SCN8A: variants seen among roughly 807,000 people sequenced by gnomAD.
SCN8A encodes the protein sodium channel protein type 8 subunit alpha.
Under a neutral mutation model 184.1 loss-of-function variants are expected in SCN8A, and 30 were observed. The observed-to-expected ratio is 0.16, with a 90% CI of 0.12 to 0.22. SCN8A has a LOEUF of 0.22. Ranked by LOEUF, SCN8A falls within the 10% of genes least tolerant of loss-of-function variation. SCN8A has a pLI of 1.00. For synonymous variants in SCN8A, 852 were observed against 907.0 expected (o/e 0.94, Z 1.09); for missense variants, 1,057 against 2,498.9 (o/e 0.42, Z 12.30).
intron 1 of SCN8A, 40 bp from the exon 2 acceptor site, chr12:51,662,724 A>C: frequency 8.0e-7 from 1 of 1,245,636 alleles, no homozygotes; most frequent in Non-Finnish European, 1.1e-6. Flanking sequence ...TTTTTAGAGC[A>C]GTGATTGATT....
At position 51,721,756 on chromosome 12, in the gene SCN8A, G is replaced by A. The variant is rs1049676859; in HGVS notation, c.1846G>A (p.Gly616Ser). 2 of 1,608,106 alleles carry A rather than the reference G, an allele frequency of 1.2e-6. No homozygotes were observed. Among genetic ancestry groups the A allele is most frequent in the Non-Finnish European group, 1.7e-6 (2 of 1,177,844 alleles). The change falls in exon 12 of 27, where the codon GGC becomes AGC. Residue 616 changes from glycine to serine, a missense_variant. This residue lies in a region of SCN8A where 322 missense variants were observed against 390.1 expected (regional missense o/e 0.83). Transcript: ENST00000627620. Reference protein sequence around the residue: ...RARERRSSYSGYSGYSQGSRS... With the variant: ...RARERRSSYSSYSGYSQGSRS... The stretch of plus-strand genomic sequence containing the variant: ...CCGCGAGCGCCGGAGCAGCTACAGC[G>A]GCTACAGCGGCTACAGCCAGGGCAG...
intron 14 of SCN8A, among the ~76,000 whole-genome samples, chr12:51,761,749 G>C (rs1942765518): frequency 6.6e-6 from 1 of 152,032 alleles, no homozygotes; most frequent in African/African-American, 2.4e-5. Flanking sequence ...TCGACCACCA[G>C]AAGTTTTGGG....
At chr12:51,612,155 GT>G (rs544912459) in intron 1 of SCN8A, among the ~76,000 whole-genome samples, 2 of 151,674 alleles carry the variant, frequency 1.3e-5, no homozygotes, top group African/African-American at 4.8e-5. Flanking sequence ...TTCCCTGCTT[GT>G]TTTTTTTGTT....
chr12:51,614,161 A>G (rs995950749), intron 1 of SCN8A, among the ~76,000 whole-genome samples: 1 of 151,860 alleles, frequency 6.6e-6, no homozygotes, highest in Non-Finnish European at 1.5e-5. Flanking sequence ...ATACTTGTGG[A>G]TTTGTCCATT....
At chr12:51,791,604 A>G (rs1404157014) in intron 25 of SCN8A, among the ~76,000 whole-genome samples, 1 of 152,238 alleles carries the variant, frequency 6.6e-6, no homozygotes, top group East Asian at 1.9e-4. Flanking sequence ...AAGGGTTAAC[A>G]TTTCTAAAGT....
At chr12:51,595,839 A>T (rs1208242480) in intron 1 of SCN8A, among the ~76,000 whole-genome samples, 1 of 152,206 alleles carries the variant, frequency 6.6e-6, no homozygotes, top group Non-Finnish European at 1.5e-5. Flanking sequence ...CTTTATCTTC[A>T]GTCTGGCATA....
At chr12:51,667,429 T>G (rs1941053471) in intron 2 of SCN8A, among the ~76,000 whole-genome samples, 1 of 152,104 alleles carries the variant, frequency 6.6e-6, no homozygotes. Flanking sequence ...GATGCAATCA[T>G]AGGTCACTGC....
intron 11 of SCN8A, among the ~76,000 whole-genome samples, chr12:51,711,936 T>C (rs1941884631): frequency 1.3e-5 from 2 of 152,220 alleles, no homozygotes; most frequent in Non-Finnish European, 2.9e-5. Context: ...GGTGTTTCTT[T>C]ACAGTTAACT....
At chr12:51,710,667 C>A (rs1435584579) in intron 11 of SCN8A, among the ~76,000 whole-genome samples, 1 of 152,044 alleles carries the variant, frequency 6.6e-6, no homozygotes, top group Non-Finnish European at 1.5e-5. Flanking sequence ...TCCAAAAAAA[C>A]AAGAACAAAA....
chr12:51,809,680 T>TTA lies in SCN8A; in HGVS notation c.*2252_*2253insAT, dbSNP rs986037666. ...GAAGCTGACATGTGTGGTTATTCTTTTTAAGAGAATTATAAATACTGTAAT... is the reference window on the plus strand; with the variant it reads ...GAAGCTGACATGTGTGGTTATTCTTTTATTAAGAGAATTATAAATACTGTAAT... On this transcript the variant is annotated 3_prime_UTR_variant, in exon 27 of 27. Coordinates refer to ENST00000627620, the MANE Select transcript of SCN8A (RefSeq NM_001330260.2). 1 of 152,294 alleles carries TTA rather than the reference T, an allele frequency of 6.6e-6. No homozygotes were observed. Among genetic ancestry groups the TTA allele is most frequent in the Non-Finnish European group, 1.5e-5 (1 of 68,052 alleles). The allele number at this position is 152,294 out of a possible 1,614,324, so 9.4% of individuals were successfully genotyped here. A position where few individuals can be genotyped will look rare whatever the true frequency, so the allele number is the denominator to read the frequency against.
intron 14 of SCN8A, among the ~76,000 whole-genome samples, chr12:51,757,861 G>A (rs1464767972): frequency 1.3e-5 from 2 of 152,262 alleles, no homozygotes; most frequent in Non-Finnish European, 2.9e-5. Context: ...ATAGAGAATA[G>A]AGAACCATTG....
rs761065556 is a variant in SCN8A, at chr12:51,810,231, G to A, written c.*2802G>A. ...GCCTCATAGGAAAGAAGCCACCTCCGCTGTATTTGAAGTTTCACTTTTTAA... is the reference window on the plus strand; with the variant it reads ...GCCTCATAGGAAAGAAGCCACCTCCACTGTATTTGAAGTTTCACTTTTTAA... On this transcript the variant is annotated 3_prime_UTR_variant, in exon 27 of 27. Transcript: ENST00000627620. 22 of 241,794 alleles carry A rather than the reference G, an allele frequency of 9.1e-5. No homozygotes were observed. Among genetic ancestry groups the A allele is most frequent in the South Asian group, 3.3e-4 (9 of 27,562 alleles). The allele number at this position is 241,794 out of a possible 1,614,324, so 15.0% of individuals were successfully genotyped here.
At chr12:51,693,796 C>T (rs1274027951) in intron 6 of SCN8A, among the ~76,000 whole-genome samples, 1 of 152,146 alleles carries the variant, frequency 6.6e-6, no homozygotes, top group African/African-American at 2.4e-5. Flanking sequence ...TTGAGAACTG[C>T]TTGTTATTGC....
At chr12:51,628,956 G>C (rs538761362) in intron 1 of SCN8A, among the ~76,000 whole-genome samples, 25 of 152,278 alleles carry the variant, frequency 1.6e-4, no homozygotes, top group African/African-American at 5.8e-4. Context: ...ATAGAAGTGT[G>C]TATAGACAAG....
intron 1 of SCN8A, among the ~76,000 whole-genome samples, chr12:51,594,894 G>C (rs1939311476): frequency 6.6e-6 from 1 of 151,822 alleles, no homozygotes; most frequent in Non-Finnish European, 1.5e-5. Flanking sequence ...TAGTTCACTT[G>C]CTAGTCATTT....
At chr12:51,616,193 G>T (rs1939831938) in intron 1 of SCN8A, among the ~76,000 whole-genome samples, 1 of 151,978 alleles carries the variant, frequency 6.6e-6, no homozygotes, top group African/African-American at 2.4e-5. Flanking sequence ...ATTTCTTTTA[G>T]AGCAGTCTGC....
At chr12:51,712,784 C>T in intron 11 of SCN8A, 2 of 1,181,486 alleles carry the variant, frequency 1.7e-6, no homozygotes, top group South Asian at 2.4e-5. Context: ...GCATAGTTGC[C>T]ACCGTCACTT....
rs528358018 is a variant in SCN8A at position 51,610,788 on chromosome 12, T to C, written c.-55+19429T>C. 1.4e-4 allele frequency among the ~76,000 whole-genome samples: 21 copies of C among 152,338 alleles called. No individual in the cohort carries two copies. The South Asian group carries it at 3.5e-3, about 26-fold the overall frequency. On this transcript the variant is annotated intron_variant, in intron 1 of 26. Coordinates refer to ENST00000627620, the MANE Select transcript of SCN8A (RefSeq NM_001330260.2). Reference sequence around the variant, plus strand: ...GCTGTTAATCTGATAGGTTTTCCTTTATAGGTTACCTGATGCTTCTGTCTC... The same window carrying C: ...GCTGTTAATCTGATAGGTTTTCCTTCATAGGTTACCTGATGCTTCTGTCTC...
intron 2 of SCN8A, among the ~76,000 whole-genome samples, chr12:51,664,854 A>C (rs1291667329): frequency 6.6e-6 from 1 of 152,034 alleles, no homozygotes; most frequent in East Asian, 1.9e-4. Context: ...GCATCTATTA[A>C]CTATTCTTCC....
Sources: gnomAD v4.1 joint callset for allele counts (sites outside exome capture counted in the v4.1 genomes callset) on GRCh38, gnomAD v4.1.1 for gene constraint, gnomAD v4.1.1 regional missense constraint, MANE v1.5 for transcripts, NCBI Gene and HGNC (gene_info 2026-07-23, HGNC 2026-07-21) for gene names.